Variants in SP100 observed in about 807,000 individuals in gnomAD.
SP100 encodes the protein SP100 nuclear body protein.
A neutral mutation model predicts 130.0 loss-of-function variants in SP100; 84 were observed. That is an observed-to-expected ratio of 0.65 (90% confidence interval 0.54 to 0.77). The LOEUF (loss-of-function observed/expected upper bound fraction) is 0.77. Ranked by LOEUF, SP100 falls within the 30% of genes least tolerant of loss-of-function variation. SP100 has a pLI of 0.00. For synonymous variants in SP100, 331 were observed against 351.7 expected, an observed-to-expected ratio of 0.94 and a Z score of 0.66; for missense variants, 978 against 1,052.2, an observed-to-expected ratio of 0.93 and a Z score of 0.97.
intron 19 of SP100, among the ~76,000 whole-genome samples, chr2:230,499,976 C>A (rs1351614219): frequency 1.3e-5 from 2 of 152,098 alleles, no homozygotes; most frequent in Non-Finnish European, 2.9e-5. Context: ...CTACCATGTT[C>A]TTTGCAGATA....
intron 24 of SP100, 91 bp downstream of exon 24, chr2:230,511,257 C>G (rs1401466564): frequency 7.6e-6 from 7 of 917,462 alleles, no homozygotes; most frequent in Non-Finnish European, 1.3e-5. Flanking sequence ...GAAGCATGCT[C>G]AGTCTCAGTT....
rs924826583 is a variant in SP100 at position 230,544,732 on chromosome 2, C to T, written c.*1786C>T. Among the ~76,000 whole-genome samples, 3 of 152,186 alleles carry T rather than the reference C, an allele frequency of 2.0e-5. No homozygotes were observed. Among genetic ancestry groups the T allele is most frequent in the African/African-American group, 4.8e-5 (2 of 41,440 alleles). The stretch of plus-strand genomic sequence containing the variant: ...CCGACCTCAGGTGATCCACCCACCT[C>T]GGCCTCCCAAAGTGCTGGGATTACA... On this transcript the variant is annotated 3_prime_UTR_variant, in exon 29 of 29. Coordinates refer to ENST00000340126, the MANE Select transcript of SP100 (RefSeq NM_001080391.2).
chr2:230,430,372 C>T (rs1198472155), intron 2 of SP100, among the ~76,000 whole-genome samples: 2 of 152,202 alleles, frequency 1.3e-5, no homozygotes, highest in Non-Finnish European at 2.9e-5. Flanking sequence ...ACAGGCTGGG[C>T]TCTGTGATTA....
At chr2:230,452,392 G>C (rs1467192148) in intron 8 of SP100, among the ~76,000 whole-genome samples, 1 of 152,102 alleles carries the variant, frequency 6.6e-6, no homozygotes, top group Non-Finnish European at 1.5e-5. Context: ...GGTCGGGCTG[G>C]TCTTGAACTC....
chr2:230,488,797 GGT>G (rs1280307539), intron 17 of SP100, among the ~76,000 whole-genome samples: 2 of 152,124 alleles, frequency 1.3e-5, no homozygotes, highest in African/African-American at 4.8e-5. Flanking sequence ...TTTTGTCTTT[GGT>G]TCTGTTTATG....
intron 2 of SP100, among the ~76,000 whole-genome samples, chr2:230,441,628 A>G (rs2063471778): frequency 6.6e-6 from 1 of 152,178 alleles, no homozygotes; most frequent in African/African-American, 2.4e-5. Flanking sequence ...ACAAAAGCAT[A>G]TATACCTTTT....
chr2:230,512,578 G>A (rs193055362), intron 24 of SP100, among the ~76,000 whole-genome samples: 24 of 152,170 alleles, frequency 1.6e-4, no homozygotes, highest in Admixed American at 9.2e-4. Context: ...ATGAGCCACC[G>A]CACTGGCCAC....
chr2:230,483,095 T>C (rs1270463308), intron 17 of SP100, among the ~76,000 whole-genome samples: 1 of 152,166 alleles, frequency 6.6e-6, no homozygotes, highest in Non-Finnish European at 1.5e-5. Flanking sequence ...TGTTGCTCAA[T>C]AGGGATAAAG....
rs182671525 is a variant in SP100 at position 230,437,803 on chromosome 2, G to A, written c.108-5134G>A. Reference sequence around the variant, plus strand: ...GAACTCCTGACCTCGTGATCCGCCCGCCTCAGCCTCCTAAAGCTCTGGGAT... The same window carrying A: ...GAACTCCTGACCTCGTGATCCGCCCACCTCAGCCTCCTAAAGCTCTGGGAT... On this transcript the variant is annotated intron_variant, in intron 2 of 28. Transcript: ENST00000340126. 6.4e-3 allele frequency among the ~76,000 whole-genome samples: 968 copies of A among 152,146 alleles called. 6 individuals carry two copies. The highest frequency in any genetic ancestry group is 0.021 in the African/African-American group (877 of 41,506).
intron 8 of SP100, 123 bp from the exon 9 acceptor site, chr2:230,461,139 A>G (rs2064595920): frequency 1.1e-6 from 1 of 888,138 alleles, no homozygotes; most frequent in Admixed American, 2.7e-5. Context: ...GCAAAAGGAA[A>G]AACACGGAGG....
intron 24 of SP100, chr2:230,516,078 A>T (rs539324335): frequency 1.0e-6 from 1 of 989,732 alleles, no homozygotes; most frequent in African/African-American, 1.7e-5. Flanking sequence ...CTAAGTAAAT[A>T]CAATTTTTAA....
At chr2:230,463,875 G>A in intron 10 of SP100, 192 bp from the exon 11 acceptor site, 1 of 422,330 alleles carries the variant, frequency 2.4e-6, no homozygotes, top group Non-Finnish European at 4.4e-6. Context: ...TATTCCCTCT[G>A]GGGACAAGAA....
At chr2:230,524,626 T>C (rs188251403) in intron 24 of SP100, among the ~76,000 whole-genome samples, 235 of 152,218 alleles carry the variant, frequency 1.5e-3, no homozygotes, top group African/African-American at 5.1e-3. Flanking sequence ...AAATAAAATA[T>C]AAATGGATAA....
At chr2:230,517,592 T>C (rs1346360962) in intron 24 of SP100, among the ~76,000 whole-genome samples, 1 of 152,046 alleles carries the variant, frequency 6.6e-6, no homozygotes, top group Non-Finnish European at 1.5e-5. Context: ...TGAAACTCTG[T>C]CTCTACTAAA....
At chr2:230,469,742 A>T (rs1452472004) in intron 14 of SP100, 18 of 1,299,102 alleles carry the variant, frequency 1.4e-5, no homozygotes, top group Non-Finnish European at 1.2e-5. Flanking sequence ...ACCCAATGAA[A>T]TGGATGATTT....
chr2:230,511,075 A>G (rs1274358509), intron 23 of SP100, 50 bp from the exon 24 acceptor site: 2 of 1,267,266 alleles, frequency 1.6e-6, no homozygotes, highest in Admixed American at 3.4e-5. Flanking sequence ...TGTGGGGTTA[A>G]TGAAAAATCA....
chr2:230,419,901 T>G (rs1225086353), intron 2 of SP100, among the ~76,000 whole-genome samples: 1 of 152,196 alleles, frequency 6.6e-6, no homozygotes, highest in Admixed American at 6.5e-5. Flanking sequence ...ATGGTTCTAT[T>G]TTCATTCTTG....
At chr2:230,507,964 T>A in intron 22 of SP100, 29 bp from the exon 23 acceptor site, 8 of 1,609,488 alleles carry the variant, frequency 5.0e-6, no homozygotes, top group Non-Finnish European at 6.8e-6. Context: ...CAAGAACCCA[T>A]CAAATCATTT....
chr2:230,512,068 TG>T (rs1690627752), intron 24 of SP100, among the ~76,000 whole-genome samples: 1 of 151,930 alleles, frequency 6.6e-6, no homozygotes, highest in Admixed American at 6.6e-5. Context: ...GGTCTCACTA[TG>T]TTGCCCAGGC....
Sources: allele counts gnomAD v4.1 joint callset (sites outside exome capture counted in the v4.1 genomes callset), GRCh38; gene constraint gnomAD v4.1.1; transcripts MANE v1.5; gene names NCBI Gene and HGNC (gene_info 2026-07-23, HGNC 2026-07-21).